DLGAP5: variants seen among roughly 807,000 people sequenced by gnomAD.
DLGAP5 encodes the protein disks large-associated protein 5.
DLGAP5 carries 90 observed loss-of-function variants against 99.6 expected under a neutral mutation model. The ratio of observed to expected loss-of-function variants is 0.90; its 90% CI spans 0.76 to 1.08. The LOEUF (loss-of-function observed/expected upper bound fraction) is 1.08, where lower values mean the gene tolerates loss of function less well. Ranked by LOEUF, DLGAP5 falls within the 50% of genes least tolerant of loss-of-function variation. The pLI is 0.00. For missense variants in DLGAP5, 1,036 were observed against 983.5 expected (o/e 1.05, Z -0.71); for synonymous variants, 311 against 321.3 (o/e 0.97, Z 0.34).
At chr14:55,163,558 C>T (rs565468602) in intron 12 of DLGAP5, among the ~76,000 whole-genome samples, 22 of 152,166 alleles carry the variant, frequency 1.4e-4, no homozygotes, top group Non-Finnish European at 2.6e-4. Context: ...ATTGCTAGAT[C>T]GTATGGTAGG....
intron 13 of DLGAP5, among the ~76,000 whole-genome samples, chr14:55,162,481 T>C (rs1236547117): frequency 1.3e-5 from 2 of 151,988 alleles, no homozygotes; most frequent in Non-Finnish European, 2.9e-5. Context: ...TAGCCGGGTG[T>C]GGTGGCTGGC....
intron 12 of DLGAP5, among the ~76,000 whole-genome samples, chr14:55,169,026 A>T (rs1040698661): frequency 7.2e-5 from 11 of 151,948 alleles, no homozygotes; most frequent in African/African-American, 2.4e-4. Flanking sequence ...AATACAAAAA[A>T]TTAGCCAGAT....
At chr14:55,162,717 C>G (rs935942921) in intron 13 of DLGAP5, among the ~76,000 whole-genome samples, 2 of 152,022 alleles carry the variant, frequency 1.3e-5, no homozygotes, top group Non-Finnish European at 2.9e-5. Context: ...ATCACAGCCC[C>G]TCCTTTCTTC....
chr14:55,163,079 T>C lies in DLGAP5; in HGVS notation c.1549-4A>G. ...ATTTGTGGATTACATCTTCTATCTG[T>C]TAATAAAGCACAAGTTTACCAGATT... On this transcript the variant is annotated splice_polypyrimidine_tract_variant and splice_region_variant and intron_variant, in intron 12 of 18. Transcript: ENST00000247191. 6.4e-7 allele frequency: 1 copy of C among 1,563,078 alleles called. No individual in the cohort carries two copies. Among genetic ancestry groups the C allele is most frequent in the Non-Finnish European group, 8.7e-7 (1 of 1,147,882 alleles).
chr14:55,169,039 G>A (rs923097301), intron 12 of DLGAP5, among the ~76,000 whole-genome samples: 3 of 151,766 alleles, frequency 2.0e-5, no homozygotes, highest in Non-Finnish European at 4.4e-5. Flanking sequence ...AGCCAGATGA[G>A]GTGGCAGGCG....
At position 55,191,566 on chromosome 14, in the gene DLGAP5, C is replaced by A. The variant is rs567837053; in HGVS notation, c.-105G>T. ...GAAGCAGGAACCCTCACAACCCGAG[C>A]CTCCACGAAATTCAAACTTGCCGCA... On this transcript the variant is annotated 5_prime_UTR_variant, in exon 1 of 19. Coordinates refer to ENST00000247191, the MANE Select transcript of DLGAP5 (RefSeq NM_014750.5). 1 of 152,766 alleles carries A rather than the reference C, an allele frequency of 6.5e-6. No homozygotes were observed. The highest frequency in any genetic ancestry group is 1.5e-5 in the Non-Finnish European group (1 of 68,102). 9.5% of individuals were successfully genotyped at this position (152,766 alleles called of 1,614,324 possible). A position where few individuals can be genotyped will look rare whatever the true frequency, so the allele number is the denominator to read the frequency against.
intron 1 of DLGAP5, among the ~76,000 whole-genome samples, chr14:55,189,618 C>T (rs932343959): frequency 6.6e-6 from 1 of 152,126 alleles, no homozygotes; most frequent in Non-Finnish European, 1.5e-5. Flanking sequence ...ACACCAGGTA[C>T]CTATTAGTCA....
intron 3 of DLGAP5, 82 bp from the exon 4 acceptor site, chr14:55,182,514 C>T (rs932902696): frequency 2.5e-6 from 3 of 1,209,680 alleles, no homozygotes; most frequent in South Asian, 1.6e-5. Context: ...AATAAAGTTC[C>T]CATTTTAAAG....
At chr14:55,183,435 T>C in intron 3 of DLGAP5, 125 bp downstream of exon 3, 2 of 748,236 alleles carry the variant, frequency 2.7e-6, no homozygotes, top group South Asian at 2.9e-5. Flanking sequence ...GCTACTATTA[T>C]GTCATTCCCA....
At position 55,191,535 on chromosome 14, in the gene DLGAP5, G is replaced by C. The variant is rs754347723; in HGVS notation, c.-74C>G. On this transcript the variant is annotated 5_prime_UTR_variant, in exon 1 of 19. Coordinates refer to ENST00000247191, the MANE Select transcript of DLGAP5 (RefSeq NM_014750.5). Reference sequence around the variant, plus strand: ...ACACTCGGTCTGGACGACCACCGCCGACTCCGAAGCAGGAACCCTCACAAC... The same window carrying C: ...ACACTCGGTCTGGACGACCACCGCCCACTCCGAAGCAGGAACCCTCACAAC... 6.5e-6 allele frequency: 1 copy of C among 152,742 alleles called. No homozygotes were observed. The highest frequency in any genetic ancestry group is 1.5e-5 in the Non-Finnish European group (1 of 68,132). The allele number at this position is 152,742 out of a possible 1,614,324, so 9.5% of individuals were successfully genotyped here. A position where few individuals can be genotyped will look rare whatever the true frequency, so the allele number is the denominator to read the frequency against.
intron 8 of DLGAP5, among the ~76,000 whole-genome samples, chr14:55,176,747 G>A (rs1411284382): frequency 3.9e-5 from 6 of 151,958 alleles, no homozygotes; most frequent in Non-Finnish European, 8.8e-5. Flanking sequence ...GGGAGGCCGA[G>A]GCGGGCGGAT....
rs759542778 is a variant in DLGAP5, at chr14:55,180,785, G to A, written c.581-7C>T. 21 of 1,594,542 alleles carry A rather than the reference G, an allele frequency of 1.3e-5. No homozygotes were observed. The highest frequency in any genetic ancestry group is 1.7e-5 in the Non-Finnish European group (20 of 1,169,914). On this transcript the variant is annotated splice_polypyrimidine_tract_variant and splice_region_variant and intron_variant, in intron 5 of 18. Coordinates refer to ENST00000247191, the MANE Select transcript of DLGAP5 (RefSeq NM_014750.5). ...GGCATTACAGGCTGCACAACTGTGG[G>A]AAAAAAAAATAACTACATCAAATGT...
At chr14:55,153,175 C>A (rs1882075910) in intron 15 of DLGAP5, among the ~76,000 whole-genome samples, 1 of 152,250 alleles carries the variant, frequency 6.6e-6, no homozygotes, top group Admixed American at 6.5e-5. Context: ...ATGTAGCTAA[C>A]TCCAGCTAGA....
chr14:55,174,875 G>C (rs569934765), intron 10 of DLGAP5, among the ~76,000 whole-genome samples: 1 of 152,250 alleles, frequency 6.6e-6, no homozygotes, highest in South Asian at 2.1e-4. Context: ...AGTTTTAGTA[G>C]AGATGGGGTT....
At chr14:55,148,649 T>A in intron 18 of DLGAP5, 176 bp from the exon 19 acceptor site, 1 of 1,378,986 alleles carries the variant, frequency 7.3e-7, no homozygotes, top group Non-Finnish European at 9.9e-7. Flanking sequence ...AACCCAGGAC[T>A]TCAAGACCAG....
At chr14:55,165,636 C>G (rs1882614055) in intron 12 of DLGAP5, among the ~76,000 whole-genome samples, 1 of 152,182 alleles carries the variant, frequency 6.6e-6, no homozygotes, top group Non-Finnish European at 1.5e-5. Context: ...CCAAGACCCC[C>G]AGGGGATGCC....
At chr14:55,163,688 T>C (rs1438949432) in intron 12 of DLGAP5, among the ~76,000 whole-genome samples, 1 of 152,256 alleles carries the variant, frequency 6.6e-6, no homozygotes, top group Non-Finnish European at 1.5e-5. Flanking sequence ...CAGCACTTGC[T>C]GTTGGCAGTG....
chr14:55,159,215 G>GA (rs1882326600), intron 13 of DLGAP5, among the ~76,000 whole-genome samples: 1 of 152,154 alleles, frequency 6.6e-6, no homozygotes, highest in South Asian at 2.1e-4. Flanking sequence ...ATGGGGTGAG[G>GA]CAAGTGCTAG....
At chr14:55,171,516 T>C (rs757501263) in intron 10 of DLGAP5, among the ~76,000 whole-genome samples, 2 of 152,164 alleles carry the variant, frequency 1.3e-5, no homozygotes, top group African/African-American at 2.4e-5. Flanking sequence ...TGTATGCTGT[T>C]GATGGGAATG....
Sources: gnomAD v4.1 joint callset for allele counts (sites outside exome capture counted in the v4.1 genomes callset) on GRCh38, gnomAD v4.1.1 for gene constraint, MANE v1.5 for transcripts, NCBI Gene and HGNC (gene_info 2026-07-23, HGNC 2026-07-21) for gene names.